APBA2: variants seen among roughly 807,000 people sequenced by gnomAD.
The protein encoded by APBA2 is amyloid beta precursor protein binding family A member 2.
In APBA2, 30 loss-of-function variants were observed where a neutral mutation model predicts 75.0. The observed-to-expected ratio is 0.40, with a 90% CI of 0.30 to 0.54. The LOEUF is 0.54. Ranked by LOEUF, APBA2 falls within the 20% of genes least tolerant of loss-of-function variation. The pLI, the probability that APBA2 is intolerant of heterozygous loss-of-function variation, is 0.49. For synonymous variants in APBA2, 444 were observed against 409.6 expected (o/e 1.08, Z -1.01); for missense variants, 801 against 1,016.1 (o/e 0.79, Z 2.88).
intron 3 of APBA2, among the ~76,000 whole-genome samples, chr15:29,049,880 T>C (rs1418591847): frequency 1.3e-5 from 2 of 152,140 alleles, no homozygotes; most frequent in South Asian, 2.1e-4. Context: ...TAAAGTTCAG[T>C]GATTTGGAGG....
intron 3 of APBA2, among the ~76,000 whole-genome samples, chr15:29,003,642 A>G (rs2038964408): frequency 6.6e-6 from 1 of 152,182 alleles, no homozygotes; most frequent in Non-Finnish European, 1.5e-5. Flanking sequence ...ATATGAGGAG[A>G]TACATTGTGA....
chr15:28,925,801 T>A (rs1378458923), intron 2 of APBA2, among the ~76,000 whole-genome samples: 4 of 152,214 alleles, frequency 2.6e-5, no homozygotes, highest in African/African-American at 7.2e-5. Context: ...ATTTACCAAT[T>A]TCTCATTTAG....
In APBA2 at chr15:29,108,397, C is replaced by G; in HGVS notation, c.2037+8C>G. 1 of 1,613,952 alleles carries G rather than the reference C, an allele frequency of 6.2e-7. No homozygotes were observed. Among genetic ancestry groups the G allele is most frequent in the Non-Finnish European group, 8.5e-7 (1 of 1,180,024 alleles). On this transcript the variant is annotated splice_region_variant and intron_variant, in intron 13 of 14. Transcript: ENST00000683413. ...AGCGTGCAGAATGGAATTGTGAGTTCCCCCTCCTGCTCTGGGCCACCACCA... is the reference window on the plus strand; with the variant it reads ...AGCGTGCAGAATGGAATTGTGAGTTGCCCCTCCTGCTCTGGGCCACCACCA...
rs542682040 is a variant in APBA2, at chr15:28,913,342, G to A, written c.-204-8298G>A. ...CTGGTGCCCTTTCACACCTTGCTGC[G>A]ACCACCAGGCTGCTCAGCAGTGGCC... On this transcript the variant is annotated intron_variant, in intron 1 of 14. Transcript: ENST00000683413. 3.9e-5 allele frequency among the ~76,000 whole-genome samples: 6 copies of A among 152,232 alleles called. No individual in the cohort carries two copies. The South Asian group carries it at 8.3e-4, about 21-fold the overall frequency.
chr15:29,077,796 C>T (rs1288214371), intron 6 of APBA2, among the ~76,000 whole-genome samples: 2 of 152,236 alleles, frequency 1.3e-5, no homozygotes, highest in East Asian at 3.8e-4. Flanking sequence ...TTTACTATTA[C>T]AGCATTTATA....
At chr15:29,043,223 C>T (rs2041140070) in intron 3 of APBA2, among the ~76,000 whole-genome samples, 1 of 152,180 alleles carries the variant, frequency 6.6e-6, no homozygotes, top group Non-Finnish European at 1.5e-5. Context: ...TGATGAAGGT[C>T]TGACAGCAAT....
At chr15:29,016,848 C>A (rs559357660) in intron 3 of APBA2, among the ~76,000 whole-genome samples, 2 of 152,226 alleles carry the variant, frequency 1.3e-5, no homozygotes, top group African/African-American at 4.8e-5. Flanking sequence ...TTTCTCTCTC[C>A]CTGCATTTTG....
intron 2 of APBA2, among the ~76,000 whole-genome samples, chr15:28,979,691 G>A (rs186271297): frequency 9.2e-4 from 140 of 152,312 alleles, no homozygotes; most frequent in African/African-American, 3.1e-3. Flanking sequence ...TGGGCGGAGC[G>A]TGCAGTCTCT....
chr15:29,024,700 G>A lies in APBA2; in HGVS notation c.-41+28894G>A, dbSNP rs552954892. On this transcript the variant is annotated intron_variant, in intron 3 of 14. Transcript: ENST00000683413. ...AAACAACAGCAGAATCTCATAGGAC[G>A]AGAATTTTTCTTCCTGTTTGTAGGC... Among the ~76,000 whole-genome samples the A allele has an allele frequency of 3.3e-5, 5 of 152,304 alleles. No individual in the cohort carries two copies. In the East Asian group the frequency reaches 5.8e-4, roughly 18 times the overall value.
chr15:28,996,875 G>A (rs1204218949), intron 3 of APBA2, among the ~76,000 whole-genome samples: 1 of 152,234 alleles, frequency 6.6e-6, no homozygotes, highest in Non-Finnish European at 1.5e-5. Flanking sequence ...GTGTCCCAGT[G>A]TGGAATCTCT....
At chr15:29,015,642 T>G (rs2039620636) in intron 3 of APBA2, among the ~76,000 whole-genome samples, 1 of 152,210 alleles carries the variant, frequency 6.6e-6, no homozygotes, top group Admixed American at 6.5e-5. Flanking sequence ...AATGATAAAG[T>G]GTTCGTCAGG....
chr15:29,024,742 C>A (rs2152835122), intron 3 of APBA2, among the ~76,000 whole-genome samples: 1 of 152,222 alleles, frequency 6.6e-6, no homozygotes, highest in Non-Finnish European at 1.5e-5. Context: ...AGCAAAAGGG[C>A]AGGTTTGTTC....
At chr15:29,024,937 A>G (rs1324851452) in intron 3 of APBA2, among the ~76,000 whole-genome samples, 4 of 152,118 alleles carry the variant, frequency 2.6e-5, no homozygotes, top group Non-Finnish European at 5.9e-5. Flanking sequence ...TTCCCATTCC[A>G]CTGTCGAGTA....
chr15:29,054,829 C>G lies in APBA2; in HGVS notation c.945C>G (p.His315Gln). Residue 315 changes from histidine (H) to glutamine (Q), a missense_variant, in exon 4 of 15, where the codon CAC becomes CAG. Around this residue, in one of 2 missense-constraint regions of APBA2, gnomAD observed 434 missense variants for 471.6 expected, o/e 0.92. Transcript: ENST00000683413. The surrounding 1 kb of genome is among the most constrained non-coding windows in gnomAD (Gnocchi z 6.1). Reference sequence around the variant, plus strand: ...CAGAAGAGAGGCTGAAGTGGCCCCACGAGCAGGTAGGACCCTGGCTGTCCT... The same window carrying G: ...CAGAAGAGAGGCTGAAGTGGCCCCAGGAGCAGGTAGGACCCTGGCTGTCCT... Reference protein sequence around the residue: ...RTPEERLKWPHEQVCNGLEQP... With the variant: ...RTPEERLKWPQEQVCNGLEQP... 2 of 1,598,220 alleles carry G rather than the reference C, an allele frequency of 1.3e-6. No homozygotes were observed. The highest frequency in any genetic ancestry group is 1.7e-6 in the Non-Finnish European group (2 of 1,179,248).
At chr15:29,028,059 A>G (rs150734413) in intron 3 of APBA2, among the ~76,000 whole-genome samples, 37 of 151,770 alleles carry the variant, frequency 2.4e-4, no homozygotes, top group African/African-American at 8.7e-4. Context: ...AGGCCGGTAA[A>G]CGTGTGCCAT....
chr15:28,961,069 A>G (rs937244375), intron 2 of APBA2, among the ~76,000 whole-genome samples: 1 of 152,138 alleles, frequency 6.6e-6, no homozygotes, highest in Non-Finnish European at 1.5e-5. Context: ...GACACCCATC[A>G]TTCTTACACA....
intron 2 of APBA2, among the ~76,000 whole-genome samples, chr15:28,932,285 C>T (rs142745494): frequency 7.6e-4 from 116 of 152,250 alleles, no homozygotes; most frequent in African/African-American, 2.5e-3. Flanking sequence ...CTGCAGTCCA[C>T]AGCATGGGGT....
chr15:28,903,504 A>G (rs2032977497), intron 1 of APBA2, among the ~76,000 whole-genome samples: 1 of 152,232 alleles, frequency 6.6e-6, no homozygotes, highest in East Asian at 1.9e-4. Context: ...TTCAGCTTCA[A>G]GTTACATAAG....
At chr15:29,105,250 C>T (rs181034003) in intron 10 of APBA2, 129 bp from the exon 11 acceptor site, 8 of 904,692 alleles carry the variant, frequency 8.8e-6, no homozygotes, top group East Asian at 5.3e-5. Flanking sequence ...TTCTTCTAAG[C>T]CCGAGCAAGG....
Sources: gnomAD v4.1 joint callset for allele counts (sites outside exome capture counted in the v4.1 genomes callset) on GRCh38, gnomAD v4.1.1 for gene constraint, gnomAD v4.1.1 regional missense constraint, Gnocchi (gnomAD v3.1) non-coding constraint, MANE v1.5 for transcripts, NCBI Gene and HGNC (gene_info 2026-07-23, HGNC 2026-07-21) for gene names.